DOCK3: variants seen among roughly 807,000 people sequenced by gnomAD.
The protein encoded by DOCK3 is dedicator of cytokinesis 3.
A neutral mutation model predicts 265.6 loss-of-function variants in DOCK3; 60 were observed. The observed-to-expected ratio is 0.23, with a 90% confidence interval of 0.18 to 0.28. The LOEUF (loss-of-function observed/expected upper bound fraction) is 0.28. Among genes scored for constraint, DOCK3 ranks in the 10% least tolerant of loss-of-function variants. DOCK3 has a pLI of 1.00. For synonymous variants in DOCK3, 881 were observed against 938.0 expected (o/e 0.94, Z 1.11); for missense variants, 1,981 against 2,594.3 (o/e 0.76, Z 5.14).
At chr3:50,868,736 T>C (rs758413424) in intron 3 of DOCK3, among the ~76,000 whole-genome samples, 8 of 152,004 alleles carry the variant, frequency 5.3e-5, no homozygotes, top group Non-Finnish European at 1.0e-4. Flanking sequence ...TCTTTATTGT[T>C]TAATATTGGT....
At chr3:50,934,631 A>C (rs1055138846) in intron 5 of DOCK3, among the ~76,000 whole-genome samples, 4 of 152,084 alleles carry the variant, frequency 2.6e-5, no homozygotes, top group African/African-American at 7.2e-5. Flanking sequence ...GTTTGAAACC[A>C]CCGTGGGGGC....
At chr3:51,284,753 C>T (rs1402275883) in intron 27 of DOCK3, among the ~76,000 whole-genome samples, 1 of 152,164 alleles carries the variant, frequency 6.6e-6, no homozygotes, top group African/African-American at 2.4e-5. Flanking sequence ...GTGATAAGTC[C>T]AAGTGTACCC....
chr3:50,888,188 A>C (rs548366498), intron 3 of DOCK3, among the ~76,000 whole-genome samples: 1 of 152,278 alleles, frequency 6.6e-6, no homozygotes, highest in African/African-American at 2.4e-5. Flanking sequence ...CAATGTACAA[A>C]AATCACAAGC....
At chr3:50,970,480 CT>C (rs1339701777) in intron 5 of DOCK3, among the ~76,000 whole-genome samples, 2 of 151,914 alleles carry the variant, frequency 1.3e-5, no homozygotes, top group Admixed American at 1.3e-4. Context: ...AGGCTTTTCA[CT>C]TTTTAAATCT....
chr3:50,893,751 A>G (rs570955728), intron 4 of DOCK3, among the ~76,000 whole-genome samples: 6 of 151,940 alleles, frequency 3.9e-5, no homozygotes, highest in South Asian at 4.2e-4. Context: ...AAACTTCCCA[A>G]ATCTGGGGAG....
At chr3:50,909,784 G>T (rs1327591816) in intron 4 of DOCK3, among the ~76,000 whole-genome samples, 1 of 151,742 alleles carries the variant, frequency 6.6e-6, no homozygotes, top group African/African-American at 2.4e-5. Flanking sequence ...GGTTGGGGAA[G>T]ATCTCCTGGA....
At chr3:51,135,839 T>C (rs1358411637) in intron 9 of DOCK3, among the ~76,000 whole-genome samples, 1 of 151,992 alleles carries the variant, frequency 6.6e-6, no homozygotes, top group Non-Finnish European at 1.5e-5. Flanking sequence ...GCCTCCTGAG[T>C]CGCCAGGGCT....
chr3:50,897,306 G>T (rs927021039), intron 4 of DOCK3, among the ~76,000 whole-genome samples: 1 of 152,160 alleles, frequency 6.6e-6, no homozygotes. Context: ...GTATAAGAAT[G>T]CTTGTGATTT....
intron 3 of DOCK3, chr3:50,863,418 G>A (rs2047003977): frequency 3.8e-6 from 2 of 519,830 alleles, no homozygotes; most frequent in South Asian, 2.8e-5. Context: ...TGGGTTACAA[G>A]GGCAGAGGGT....
intron 9 of DOCK3, among the ~76,000 whole-genome samples, chr3:51,101,737 C>T (rs1032111776): frequency 6.6e-6 from 1 of 152,242 alleles, no homozygotes; most frequent in South Asian, 2.1e-4. Flanking sequence ...AGCATTAAAT[C>T]TATAGTTGCA....
At chr3:51,380,755 C>T (rs1553618286) in intron 52 of DOCK3, among the ~76,000 whole-genome samples, 1 of 152,154 alleles carries the variant, frequency 6.6e-6, no homozygotes, top group East Asian at 1.9e-4. Context: ...ATGACCCAGC[C>T]TTTATGTCAG....
intron 12 of DOCK3, among the ~76,000 whole-genome samples, chr3:51,166,245 T>C (rs1278018505): frequency 2.6e-5 from 4 of 151,984 alleles, no homozygotes; most frequent in Non-Finnish European, 5.9e-5. Context: ...GAGATGAGGT[T>C]TCACCATGTT....
chr3:51,040,948 C>A (rs974035400), intron 5 of DOCK3, among the ~76,000 whole-genome samples: 3 of 151,654 alleles, frequency 2.0e-5, no homozygotes, highest in African/African-American at 4.8e-5. Context: ...CAATCACTTT[C>A]ACCATGGAAG....
chr3:51,281,274 A>AATATAAATATATATATAT (rs1312141308), intron 27 of DOCK3, among the ~76,000 whole-genome samples: 2 of 125,678 alleles, frequency 1.6e-5, no homozygotes, highest in African/African-American at 6.1e-5. Flanking sequence ...GATGAGCTAA[A>AATATAAATATATATATAT]ATATATATAT....
At chr3:51,012,355 C>T (rs2078986446) in intron 5 of DOCK3, among the ~76,000 whole-genome samples, 1 of 152,192 alleles carries the variant, frequency 6.6e-6, no homozygotes, top group South Asian at 2.1e-4. Context: ...ATGGCAGGCA[C>T]CCTCCTCCAG....
At chr3:50,841,063 A>G (rs2045798906) in intron 2 of DOCK3, among the ~76,000 whole-genome samples, 4 of 152,332 alleles carry the variant, frequency 2.6e-5, no homozygotes, top group African/African-American at 2.4e-5. Context: ...TAAAGAAACT[A>G]TAGCAAACCT....
At chr3:51,299,047 G>A (rs1407960995) in intron 27 of DOCK3, among the ~76,000 whole-genome samples, 1 of 152,124 alleles carries the variant, frequency 6.6e-6, no homozygotes, top group Non-Finnish European at 1.5e-5. Flanking sequence ...CCGTGTAAAA[G>A]CATTCCCATT....
chr3:51,104,724 G>A (rs1164367866), intron 9 of DOCK3, among the ~76,000 whole-genome samples: 1 of 152,152 alleles, frequency 6.6e-6, no homozygotes, highest in African/African-American at 2.4e-5. Context: ...AAACAACAAT[G>A]AAGAGTTGCT....
At position 51,160,656 on chromosome 3, in the gene DOCK3, C is replaced by T; in HGVS notation, c.991C>T (p.Leu331Phe). ...AAGCATCTTGGATGTCCTACAGTCA[C>T]TCACAGAAGTAAAGGAAGAAAAGGA... Reference protein sequence around the residue: ...VLSILDVLQSLTEVKEEKDFV... With the variant: ...VLSILDVLQSFTEVKEEKDFV... Residue 331 changes from leucine (L) to phenylalanine (F), a missense_variant, in exon 12 of 53, where the codon CTC becomes TTC. Physicochemically the swap from Leu to Phe is conservative, Grantham distance 22 (BLOSUM62 0). Transcript: ENST00000266037. 6.2e-7 allele frequency: 1 copy of T among 1,613,102 alleles called. No individual in the cohort carries two copies. Among genetic ancestry groups the T allele is most frequent in the Non-Finnish European group, 8.5e-7 (1 of 1,179,476 alleles).
Sources: allele counts gnomAD v4.1 joint callset (sites outside exome capture counted in the v4.1 genomes callset), GRCh38; gene constraint gnomAD v4.1.1; transcripts MANE v1.5; gene names NCBI Gene and HGNC (gene_info 2026-07-23, HGNC 2026-07-21).